TMEM108: variants seen among roughly 807,000 people sequenced by gnomAD.
TMEM108 encodes the protein transmembrane protein 108.
A neutral mutation model predicts 35.1 loss-of-function variants in TMEM108; 12 were observed. That is an observed-to-expected ratio of 0.34 (90% confidence interval 0.22 to 0.55). The LOEUF (loss-of-function observed/expected upper bound fraction) is 0.55. Among genes scored for constraint, TMEM108 ranks in the 20% least tolerant of loss-of-function variants. TMEM108 has a pLI of 0.89. For synonymous variants in TMEM108, 287 were observed against 308.6 expected (o/e 0.93, Z 0.73); for missense variants, 680 against 753.3 (o/e 0.90, Z 1.14).
rs535291753 is a variant in TMEM108, at chr3:133,154,113, A to G, written c.-46-75153A>G. Among the ~76,000 whole-genome samples the G allele has an allele frequency of 2.6e-5, 4 of 151,774 alleles. 1 individual carries two copies. The highest frequency in any genetic ancestry group is 9.7e-5 in the African/African-American group (4 of 41,394). On this transcript the variant is annotated intron_variant, in intron 2 of 5. Coordinates refer to ENST00000321871, the MANE Select transcript of TMEM108 (RefSeq NM_023943.4). ...TTTTGAGAAGTGTCTGTTCATATCC[A>G]TCGCCCACTTTTTGATGGGGTTGTT...
chr3:133,053,269 G>C (rs1943428061), intron 2 of TMEM108, among the ~76,000 whole-genome samples: 1 of 152,154 alleles, frequency 6.6e-6, no homozygotes, highest in African/African-American at 2.4e-5. Flanking sequence ...ACATCTACTT[G>C]AAAGTAGACT....
chr3:133,216,068 T>C (rs544313162), intron 2 of TMEM108, among the ~76,000 whole-genome samples: 1 of 152,232 alleles, frequency 6.6e-6, no homozygotes, highest in South Asian at 2.1e-4. Flanking sequence ...CACCTTGTTT[T>C]TTTTTCCCCA....
At chr3:133,048,970 A>G (rs7609680) in intron 2 of TMEM108, among the ~76,000 whole-genome samples, 93,354 of 152,040 alleles carry the variant, frequency 0.61, 29,499 homozygotes, top group African/African-American at 0.77. Context: ...GAAATGTACA[A>G]ACCTATTAAA....
At chr3:133,043,902 A>G (rs777314797) in intron 1 of TMEM108, among the ~76,000 whole-genome samples, 1 of 152,124 alleles carries the variant, frequency 6.6e-6, no homozygotes, top group East Asian at 1.9e-4. Context: ...ATTGTTTCCA[A>G]ATAAGAGTGA....
At chr3:133,124,523 C>T (rs1944391187) in intron 2 of TMEM108, among the ~76,000 whole-genome samples, 1 of 152,152 alleles carries the variant, frequency 6.6e-6, no homozygotes, top group South Asian at 2.1e-4. Context: ...AGAAGAGGCT[C>T]CAGTTTGCCC....
chr3:133,071,785 G>A (rs1340448348), intron 2 of TMEM108, among the ~76,000 whole-genome samples: 1 of 151,962 alleles, frequency 6.6e-6, no homozygotes, highest in African/African-American at 2.4e-5. Context: ...CATTCTATAG[G>A]TTATTTTTTC....
chr3:133,176,261 A>C (rs1945226601), intron 2 of TMEM108, among the ~76,000 whole-genome samples: 1 of 152,184 alleles, frequency 6.6e-6, no homozygotes, highest in African/African-American at 2.4e-5. Flanking sequence ...TAGACAGATC[A>C]ACAAGACAGA....
At chr3:133,141,056 C>T (rs1190647942) in intron 2 of TMEM108, among the ~76,000 whole-genome samples, 1 of 152,120 alleles carries the variant, frequency 6.6e-6, no homozygotes, top group Non-Finnish European at 1.5e-5. Context: ...TAATGTTGCT[C>T]ATATCTTTTG....
chr3:133,331,142 A>G (rs1284732661), intron 3 of TMEM108, among the ~76,000 whole-genome samples: 1 of 152,200 alleles, frequency 6.6e-6, no homozygotes, highest in African/African-American at 2.4e-5. Context: ...AAGCAGTTGT[A>G]CATGTGTCTG....
At chr3:133,070,038 T>C (rs1943658059) in intron 2 of TMEM108, among the ~76,000 whole-genome samples, 2 of 152,164 alleles carry the variant, frequency 1.3e-5, no homozygotes, top group South Asian at 4.1e-4. Flanking sequence ...CCATACATCA[T>C]ACCTCATTCA....
intron 3 of TMEM108, among the ~76,000 whole-genome samples, chr3:133,233,244 G>A (rs537514533): frequency 6.6e-6 from 1 of 152,080 alleles, no homozygotes; most frequent in South Asian, 2.1e-4. Context: ...CTGTGTCCAC[G>A]TGTTCTCATT....
intron 2 of TMEM108, among the ~76,000 whole-genome samples, chr3:133,177,157 A>T (rs1945245127): frequency 6.6e-6 from 1 of 152,254 alleles, no homozygotes; most frequent in Non-Finnish European, 1.5e-5. Flanking sequence ...CAGGCTCTGA[A>T]ATTGAGGCAA....
At chr3:133,201,317 C>CT (rs1408584205) in intron 2 of TMEM108, among the ~76,000 whole-genome samples, 2 of 151,984 alleles carry the variant, frequency 1.3e-5, no homozygotes, top group Non-Finnish European at 2.9e-5. Flanking sequence ...AAAATTTATA[C>CT]TTTAAGTTCT....
intron 3 of TMEM108, among the ~76,000 whole-genome samples, chr3:133,278,575 G>T (rs1513368): frequency 0.44 from 66,366 of 152,112 alleles, 14,955 homozygotes; most frequent in African/African-American, 0.5. Context: ...CTACAAACCT[G>T]TACGGCATGT....
chr3:133,070,238 C>T (rs375026045), intron 2 of TMEM108, among the ~76,000 whole-genome samples: 1 of 152,068 alleles, frequency 6.6e-6, no homozygotes, highest in Non-Finnish European at 1.5e-5. Context: ...GTTAGAGAGA[C>T]CCTCAGAGTG....
chr3:133,326,221 C>T (rs1001431823), intron 3 of TMEM108, among the ~76,000 whole-genome samples: 1 of 152,178 alleles, frequency 6.6e-6, no homozygotes, highest in African/African-American at 2.4e-5. Flanking sequence ...TGGGCACACA[C>T]CCCAGTCTAA....
intron 3 of TMEM108, among the ~76,000 whole-genome samples, chr3:133,292,448 T>A (rs1407367973): frequency 6.6e-6 from 1 of 152,206 alleles, no homozygotes; most frequent in Non-Finnish European, 1.5e-5. Context: ...AGGCTCTCCT[T>A]TGATCCTACC....
intron 3 of TMEM108, among the ~76,000 whole-genome samples, chr3:133,273,608 G>A (rs1474619832): frequency 6.6e-6 from 1 of 152,192 alleles, no homozygotes; most frequent in Non-Finnish European, 1.5e-5. Context: ...GGTGAGTGGT[G>A]GAAGAACTGC....
chr3:133,284,302 C>T (rs1316042526), intron 3 of TMEM108, among the ~76,000 whole-genome samples: 1 of 152,204 alleles, frequency 6.6e-6, no homozygotes, highest in African/African-American at 2.4e-5. Context: ...GCAGGGTTAG[C>T]CCTTTCCTCC....
Sources: gnomAD v4.1 joint callset for allele counts (sites outside exome capture counted in the v4.1 genomes callset) on GRCh38, gnomAD v4.1.1 for gene constraint, MANE v1.5 for transcripts, NCBI Gene and HGNC (gene_info 2026-07-23, HGNC 2026-07-21) for gene names.